The following SYNE2 variants were observed in gnomAD, a reference collection of about 807,000 sequenced individuals.
SYNE2 encodes the protein spectrin repeat containing nuclear envelope protein 2, also known as nesprin-2.
In SYNE2, 431 loss-of-function variants were observed where a neutral mutation model predicts 856.3. The ratio of observed to expected loss-of-function variants is 0.50; its 90% CI spans 0.47 to 0.55. SYNE2 has a LOEUF of 0.55. Among genes scored for constraint, SYNE2 ranks in the 20% least tolerant of loss-of-function variants. The probability of loss-of-function intolerance (pLI) is 0.00; values close to 1 mark genes in which losing one functional copy is unlikely to be tolerated. For missense variants in SYNE2, 8,129 were observed against 8,023.2 expected (o/e 1.01, Z -0.50); for synonymous variants, 2,923 against 2,872.3 (o/e 1.02, Z -0.56).
At chr14:63,843,565 C>T (rs984748358) in intron 1 of SYNE2, among the ~76,000 whole-genome samples, 2 of 151,984 alleles carry the variant, frequency 1.3e-5, no homozygotes, top group Non-Finnish European at 2.9e-5. Context: ...TTGCTTTTTT[C>T]CTGACTTTGG....
chr14:64,015,471 T>C (rs1466505597), intron 32 of SYNE2, among the ~76,000 whole-genome samples: 1 of 152,112 alleles, frequency 6.6e-6, no homozygotes, highest in Non-Finnish European at 1.5e-5. Context: ...CAAATTTGTG[T>C]GTGTAAAGTT....
At chr14:63,885,804 A>G (rs1008501411) in intron 1 of SYNE2, among the ~76,000 whole-genome samples, 3 of 152,298 alleles carry the variant, frequency 2.0e-5, no homozygotes, top group African/African-American at 7.2e-5. Flanking sequence ...CGCATTCAAC[A>G]ATATTCAGCT....
At chr14:63,854,997 A>G (rs1891367241) in intron 1 of SYNE2, among the ~76,000 whole-genome samples, 2 of 152,236 alleles carry the variant, frequency 1.3e-5, no homozygotes, top group African/African-American at 4.8e-5. Context: ...ATAATTTCAC[A>G]AAGTTATTTA....
At chr14:63,862,020 C>T (rs1217160019) in intron 1 of SYNE2, among the ~76,000 whole-genome samples, 1 of 152,202 alleles carries the variant, frequency 6.6e-6, no homozygotes, top group Non-Finnish European at 1.5e-5. Context: ...CAGGTCCTCA[C>T]ATATCCCACC....
At chr14:63,913,782 A>G (rs1300817624) in intron 2 of SYNE2, among the ~76,000 whole-genome samples, 2 of 151,502 alleles carry the variant, frequency 1.3e-5, no homozygotes, top group Admixed American at 6.6e-5. Context: ...ATTTTAAATG[A>G]TTTTGCGATA....
At chr14:64,189,653 T>TA (rs2098508501) in intron 98 of SYNE2, among the ~76,000 whole-genome samples, 2 of 152,250 alleles carry the variant, frequency 1.3e-5, no homozygotes, top group African/African-American at 4.8e-5. Flanking sequence ...CCTGACTTTT[T>TA]AGCTGCTCAC....
intron 1 of SYNE2, among the ~76,000 whole-genome samples, chr14:63,798,053 T>G (rs1887988193): frequency 6.6e-6 from 1 of 152,216 alleles, no homozygotes; most frequent in African/African-American, 2.4e-5. Flanking sequence ...ACACCTCTTT[T>G]CTTGCATCTA....
chr14:63,920,379 G>A (rs1171843458), intron 2 of SYNE2, among the ~76,000 whole-genome samples: 1 of 151,724 alleles, frequency 6.6e-6, no homozygotes, highest in Admixed American at 6.6e-5. Context: ...ATGAGAAGAT[G>A]CTGCGGGCAG....
intron 48 of SYNE2, 47 bp from the exon 49 acceptor site, chr14:64,055,897 C>A: frequency 6.5e-7 from 1 of 1,532,904 alleles, no homozygotes; most frequent in South Asian, 1.2e-5. Flanking sequence ...ACAGGAATTC[C>A]AAAAGTTTGA....
intron 2 of SYNE2, among the ~76,000 whole-genome samples, chr14:63,940,230 A>T (rs1168266227): frequency 6.6e-6 from 1 of 151,692 alleles, no homozygotes; most frequent in Non-Finnish European, 1.5e-5. Context: ...TAATTTTTGT[A>T]TTTTTTGTAA....
chr14:63,897,273 TA>T (rs1205930682), intron 1 of SYNE2, among the ~76,000 whole-genome samples: 3 of 152,016 alleles, frequency 2.0e-5, no homozygotes, highest in Admixed American at 1.3e-4. Flanking sequence ...AATAAATAAA[TA>T]AATAAATTTA....
intron 11 of SYNE2, among the ~76,000 whole-genome samples, chr14:63,974,890 G>GTATCTATATATA (rs1281921502): frequency 3.6e-5 from 1 of 27,504 alleles, no homozygotes; most frequent in Non-Finnish European, 7.1e-5. Context: ...GTGTGTGTGT[G>GTATCTATATATA]TGTATATATA....
chr14:64,023,603 G>T (rs1014961770), intron 38 of SYNE2: 1 of 153,814 alleles, frequency 6.5e-6, no homozygotes, highest in African/African-American at 2.4e-5. Flanking sequence ...TGGTTGGAAC[G>T]TAGTGGAGGA....
At chr14:64,120,359 G>A (rs2097888950) in intron 67 of SYNE2, among the ~76,000 whole-genome samples, 1 of 152,148 alleles carries the variant, frequency 6.6e-6, no homozygotes, top group Non-Finnish European at 1.5e-5. Flanking sequence ...AAGAAAAAAG[G>A]CAATACATTT....
intron 2 of SYNE2, among the ~76,000 whole-genome samples, chr14:63,910,529 G>A (rs1405522574): frequency 6.6e-6 from 1 of 152,186 alleles, no homozygotes; most frequent in East Asian, 1.9e-4. Context: ...ATATTCAGAT[G>A]TAGATGGAAT....
At chr14:63,835,065 A>G (rs1410507123) in intron 1 of SYNE2, among the ~76,000 whole-genome samples, 1 of 152,162 alleles carries the variant, frequency 6.6e-6, no homozygotes, top group Non-Finnish European at 1.5e-5. Context: ...CATTAATTCA[A>G]CAACTATCTA....
intron 83 of SYNE2, 152 bp from the exon 84 acceptor site, chr14:64,145,916 G>T: frequency 4.0e-6 from 2 of 499,648 alleles, no homozygotes; most frequent in Non-Finnish European, 3.4e-6. Context: ...TCTGATTTTT[G>T]AATCTTTATT....
rs373060673 is a variant in SYNE2 at position 63,929,397 on chromosome 14, TA to T, written c.80-11214del. ...GTAATATAGTATCATTTACACATTGTAAATCTAAAGAAGAAAGTAAATAGGA... is the reference window on the plus strand; with the variant it reads ...GTAATATAGTATCATTTACACATTGTAATCTAAAGAAGAAAGTAAATAGGA... On this transcript the variant is annotated intron_variant, in intron 2 of 115. Coordinates refer to ENST00000555002, the MANE Select transcript of SYNE2 (RefSeq NM_182914.3). Among the ~76,000 whole-genome samples, 241 of 152,308 alleles carry T rather than the reference TA, an allele frequency of 1.6e-3. 1 individual carries two copies. The highest frequency in any genetic ancestry group is 5.3e-3 in the African/African-American group (220 of 41,570).
At chr14:64,206,504 T>C (rs1034587696) in intron 100 of SYNE2, among the ~76,000 whole-genome samples, 3 of 152,190 alleles carry the variant, frequency 2.0e-5, no homozygotes, top group African/African-American at 7.2e-5. Context: ...TGTGGTGTTT[T>C]ACATGGTTTT....
Sources: gnomAD v4.1 joint callset for allele counts (sites outside exome capture counted in the v4.1 genomes callset) on GRCh38, gnomAD v4.1.1 for gene constraint, MANE v1.5 for transcripts, NCBI Gene and HGNC (gene_info 2026-07-23, HGNC 2026-07-21) for gene names.